Variants in COL19A1 observed in about 807,000 individuals in gnomAD.
COL19A1 encodes the protein collagen type XIX alpha 1 chain, also known as collagen alpha-1(XIX) chain.
A neutral mutation model predicts 190.2 loss-of-function variants in COL19A1; 159 were observed. The observed-to-expected ratio is 0.84, with a 90% CI of 0.73 to 0.95. COL19A1 has a LOEUF of 0.95. COL19A1 is among the 40% of genes least tolerant of loss of function. The pLI is 0.00. For synonymous variants in COL19A1, 509 were observed against 458.9 expected (o/e 1.11, Z -1.39); for missense variants, 1,418 against 1,431.9 (o/e 0.99, Z 0.16).
chr6:69,981,054 A>G (rs1253474321), intron 11 of COL19A1, among the ~76,000 whole-genome samples: 4 of 152,348 alleles, frequency 2.6e-5, no homozygotes, highest in East Asian at 3.9e-4. Flanking sequence ...TTTAAGTGGT[A>G]TAAGCTTTAA....
At chr6:70,089,081 G>C (rs1286374030) in intron 15 of COL19A1, among the ~76,000 whole-genome samples, 1 of 152,092 alleles carries the variant, frequency 6.6e-6, no homozygotes, top group East Asian at 1.9e-4. Flanking sequence ...TTTTCTCTTT[G>C]CCTCTGGAGA....
rs535787034 is a variant in COL19A1, at chr6:70,093,148, G to A, written c.1225-9021G>A. Among the ~76,000 whole-genome samples, 5 of 152,228 alleles carry A rather than the reference G, an allele frequency of 3.3e-5. No homozygotes were observed. The South Asian group carries it at 1.0e-3, about 32-fold the overall frequency. ...GAAAGTGGAATGTTTTAGAGATGTG[G>A]AAGCCTGGCAGCATAATTCTCAGAC... On this transcript the variant is annotated intron_variant, in intron 15 of 50. Coordinates refer to ENST00000620364, the MANE Select transcript of COL19A1 (RefSeq NM_001858.6).
chr6:69,881,823 A>G (rs1432779722), intron 2 of COL19A1, among the ~76,000 whole-genome samples: 2 of 152,328 alleles, frequency 1.3e-5, no homozygotes, highest in East Asian at 3.9e-4. Context: ...GCTTAACTTC[A>G]AGTATCATTT....
intron 14 of COL19A1, among the ~76,000 whole-genome samples, chr6:70,066,369 T>C (rs1284479942): frequency 6.6e-6 from 1 of 151,916 alleles, no homozygotes; most frequent in Non-Finnish European, 1.5e-5. Flanking sequence ...AAACACCACA[T>C]GTTCTCACTC....
chr6:70,207,956 T>C lies in COL19A1; in HGVS notation c.*682T>C, dbSNP rs1767996185. Reference sequence around the variant, plus strand: ...ATTTTGTTAATTCTGTATAATGAGCTCAATTCAAAGCAATCACCACTGGCA... The same window carrying C: ...ATTTTGTTAATTCTGTATAATGAGCCCAATTCAAAGCAATCACCACTGGCA... On this transcript the variant is annotated 3_prime_UTR_variant, in exon 51 of 51. Transcript: ENST00000620364. 1 of 152,170 alleles carries C rather than the reference T, an allele frequency of 6.6e-6. No homozygotes were observed. The highest frequency in any genetic ancestry group is 6.5e-5 in the Admixed American group (1 of 15,280). The allele number at this position is 152,170 out of a possible 1,614,324, so 9.4% of individuals were successfully genotyped here.
chr6:70,110,336 C>A lies in COL19A1; in HGVS notation c.1278+8114C>A, dbSNP rs1249692296. The stretch of plus-strand genomic sequence containing the variant: ...CCTTTCAGCAAGAGAACCACAATCT[C>A]TTCTGTTAAATGACTAAAGTCTGTG... On this transcript the variant is annotated intron_variant, in intron 16 of 50. Coordinates refer to ENST00000620364, the MANE Select transcript of COL19A1 (RefSeq NM_001858.6). 6.6e-5 allele frequency among the ~76,000 whole-genome samples: 10 copies of A among 152,114 alleles called. No homozygotes were observed. In the East Asian group the frequency reaches 1.9e-3, roughly 29 times the overall value.
intron 9 of COL19A1, among the ~76,000 whole-genome samples, chr6:69,941,239 A>T (rs1773447513): frequency 6.6e-6 from 1 of 152,146 alleles, no homozygotes; most frequent in Non-Finnish European, 1.5e-5. Context: ...TCCACCTCTT[A>T]CTTGCTTTGA....
chr6:70,082,659 C>T (rs1782330919), intron 15 of COL19A1, among the ~76,000 whole-genome samples: 1 of 152,188 alleles, frequency 6.6e-6, no homozygotes, highest in African/African-American at 2.4e-5. Flanking sequence ...GATCCATCTG[C>T]CTTGGCCTCC....
intron 15 of COL19A1, among the ~76,000 whole-genome samples, chr6:70,074,690 T>C (rs926246356): frequency 1.3e-5 from 2 of 151,532 alleles, no homozygotes. Flanking sequence ...TAGAGAGGAG[T>C]CTTATAGAGA....
intron 18 of COL19A1, 114 bp downstream of exon 18, chr6:70,130,337 T>C: frequency 1.3e-6 from 1 of 777,138 alleles, no homozygotes; most frequent in Non-Finnish European, 2.0e-6. Context: ...GTGATTCTCC[T>C]GCCTCAGCCT....
chr6:70,147,760 G>T (rs1786759363), intron 27 of COL19A1, among the ~76,000 whole-genome samples: 1 of 152,032 alleles, frequency 6.6e-6, no homozygotes, highest in African/African-American at 2.4e-5. Context: ...AGATCCCACA[G>T]GTTAAGGGCT....
chr6:69,873,225 C>G (rs981041698), intron 1 of COL19A1, among the ~76,000 whole-genome samples: 1 of 151,676 alleles, frequency 6.6e-6, no homozygotes, highest in Non-Finnish European at 1.5e-5. Flanking sequence ...AGACCAGTCT[C>G]TGAATAATCA....
At chr6:69,890,514 C>T (rs950040330) in intron 2 of COL19A1, 6 of 152,190 alleles carry the variant, frequency 3.9e-5, no homozygotes, top group Admixed American at 1.3e-4. Context: ...CATCTCTAGT[C>T]CAAGCTACCA....
chr6:70,102,743 A>C (rs1403667700), intron 16 of COL19A1, among the ~76,000 whole-genome samples: 1 of 152,042 alleles, frequency 6.6e-6, no homozygotes, highest in African/African-American at 2.4e-5. Context: ...AAAATATTCA[A>C]TTTCTTGTAG....
intron 34 of COL19A1, 36 bp downstream of exon 34, chr6:70,156,759 T>G: frequency 2.6e-6 from 4 of 1,533,586 alleles, no homozygotes; most frequent in Non-Finnish European, 3.6e-6. Context: ...AGTCCTAATA[T>G]TGATTCTCTT....
chr6:69,925,257 T>A (rs1772285249), intron 4 of COL19A1, among the ~76,000 whole-genome samples: 1 of 152,202 alleles, frequency 6.6e-6, no homozygotes, highest in Non-Finnish European at 1.5e-5. Context: ...TGAATTAATT[T>A]TTGTATAAGG....
At chr6:70,108,409 T>G (rs1390136154) in intron 16 of COL19A1, among the ~76,000 whole-genome samples, 1 of 152,070 alleles carries the variant, frequency 6.6e-6, no homozygotes, top group Non-Finnish European at 1.5e-5. Context: ...AAAACAGAAA[T>G]TCAAAAAATT....
intron 15 of COL19A1, among the ~76,000 whole-genome samples, chr6:70,094,569 C>A (rs928717672): frequency 6.6e-6 from 1 of 152,130 alleles, no homozygotes; most frequent in African/African-American, 2.4e-5. Flanking sequence ...TCATCATCAT[C>A]CTCATCAACA....
chr6:70,202,599 T>G (rs1308049840), intron 49 of COL19A1, among the ~76,000 whole-genome samples: 2 of 152,194 alleles, frequency 1.3e-5, no homozygotes, highest in African/African-American at 4.8e-5. Flanking sequence ...TAAAGGGGTT[T>G]CATAAGGTTT....
Sources: gnomAD v4.1 joint callset for allele counts (sites outside exome capture counted in the v4.1 genomes callset) on GRCh38, gnomAD v4.1.1 for gene constraint, MANE v1.5 for transcripts, NCBI Gene and HGNC (gene_info 2026-07-23, HGNC 2026-07-21) for gene names.